CD2AP: variants seen among roughly 807,000 people sequenced by gnomAD.
CD2AP encodes the protein CD2-associated protein.
In CD2AP, 46 loss-of-function variants were observed where a neutral mutation model predicts 85.1. The ratio of observed to expected loss-of-function variants is 0.54; its 90% confidence interval spans 0.43 to 0.69. CD2AP has a LOEUF of 0.69. Among genes scored for constraint, CD2AP ranks in the 30% least tolerant of loss-of-function variants. CD2AP has a pLI of 0.00. For missense variants in CD2AP, 769 were observed against 729.5 expected (o/e 1.05, Z -0.62); for synonymous variants, 255 against 252.9 (o/e 1.01, Z -0.08).
At chr6:47,608,908 T>G (rs1413408700) in intron 15 of CD2AP, among the ~76,000 whole-genome samples, 1 of 152,198 alleles carries the variant, frequency 6.6e-6, no homozygotes. Flanking sequence ...CTTCTGTTAA[T>G]AAAATTGTCA....
intron 2 of CD2AP, among the ~76,000 whole-genome samples, chr6:47,515,010 C>A (rs1256979277): frequency 1.3e-5 from 2 of 151,546 alleles, no homozygotes; most frequent in Non-Finnish European, 1.5e-5. Flanking sequence ...CAAGATCACT[C>A]CACTGCACTC....
chr6:47,619,233 TTCAAC>T (rs1769680533), intron 17 of CD2AP, among the ~76,000 whole-genome samples: 2 of 152,332 alleles, frequency 1.3e-5, no homozygotes, highest in South Asian at 4.1e-4. Context: ...CTTCCCACTC[TTCAAC>T]TCAAGTCCCC....
chr6:47,613,472 G>T (rs1426109422), intron 17 of CD2AP, among the ~76,000 whole-genome samples: 2 of 151,980 alleles, frequency 1.3e-5, no homozygotes, highest in Non-Finnish European at 2.9e-5. Flanking sequence ...GTGACTAAGG[G>T]CATGGTCAGT....
In CD2AP at chr6:47,477,863, G is replaced by A; in HGVS notation, c.-382G>A. 3.0e-6 allele frequency: 1 copy of A among 330,994 alleles called. No homozygotes were observed. Among genetic ancestry groups the A allele is most frequent in the Non-Finnish European group, 5.6e-6 (1 of 179,796 alleles). The allele number at this position is 330,994 out of a possible 1,614,324, so 20.5% of individuals were successfully genotyped here. On this transcript the variant is annotated 5_prime_UTR_variant, in exon 1 of 18. Transcript: ENST00000359314. ...GAGTGCTAAGGAAGAGGCGAGGGGC[G>A]GGCTCCGAGGCTAGGCGGGCGCTCG...
chr6:47,532,652 T>C (rs1051800533), intron 2 of CD2AP, among the ~76,000 whole-genome samples: 2 of 152,152 alleles, frequency 1.3e-5, no homozygotes, highest in African/African-American at 4.8e-5. Context: ...TCTAATTCTA[T>C]CGTTATAGTT....
intron 12 of CD2AP, among the ~76,000 whole-genome samples, chr6:47,598,933 T>C (rs985406148): frequency 6.7e-6 from 1 of 150,300 alleles, no homozygotes; most frequent in Non-Finnish European, 1.5e-5. Context: ...ATAAAAAAAA[T>C]TTAAAAAAAA....
At chr6:47,488,085 A>C (rs967717203) in intron 1 of CD2AP, among the ~76,000 whole-genome samples, 1 of 148,906 alleles carries the variant, frequency 6.7e-6, no homozygotes, top group African/African-American at 2.5e-5. Flanking sequence ...GGTTCATTGA[A>C]GCTCTTAAGT....
chr6:47,535,730 G>A, intron 3 of CD2AP, among the ~76,000 whole-genome samples: 1 of 152,120 alleles, frequency 6.6e-6, no homozygotes, highest in East Asian at 1.9e-4. Flanking sequence ...GAGACTGGGG[G>A]ACAAATAACA....
At chr6:47,535,557 T>G (rs1767016297) in intron 3 of CD2AP, among the ~76,000 whole-genome samples, 1 of 152,240 alleles carries the variant, frequency 6.6e-6, no homozygotes, top group Non-Finnish European at 1.5e-5. Flanking sequence ...AAACAGATTT[T>G]ATGACACTTG....
chr6:47,599,245 TA>T (rs1582609059), intron 12 of CD2AP, 55 bp from the exon 13 acceptor site: 30 of 1,448,670 alleles, frequency 2.1e-5, no homozygotes, highest in Non-Finnish European at 2.5e-5. Flanking sequence ...AATCACAATT[TA>T]AAAAAAAGTC....
At chr6:47,608,172 T>G in intron 15 of CD2AP, 144 bp downstream of exon 15, 4 of 663,096 alleles carry the variant, frequency 6.0e-6, no homozygotes, top group Non-Finnish European at 8.1e-6. Flanking sequence ...TTGAGTTGTT[T>G]AGCTTCATCA....
At chr6:47,523,727 AAAT>A (rs1184099915) in intron 2 of CD2AP, among the ~76,000 whole-genome samples, 1 of 152,182 alleles carries the variant, frequency 6.6e-6, no homozygotes, top group East Asian at 1.9e-4. Flanking sequence ...TAATACTAGA[AAAT>A]ATATATAAGG....
intron 8 of CD2AP, among the ~76,000 whole-genome samples, chr6:47,578,160 GGTATTTAGAAGAAACT>G: frequency 6.6e-6 from 1 of 151,786 alleles, no homozygotes; most frequent in East Asian, 1.9e-4. Flanking sequence ...AAGGGTGGTG[GGTATTTAGAAGAAACT>G]TAGAAGGTCT....
At chr6:47,586,991 A>C (rs866028901) in intron 11 of CD2AP, among the ~76,000 whole-genome samples, 4 of 152,216 alleles carry the variant, frequency 2.6e-5, no homozygotes, top group African/African-American at 9.6e-5. Context: ...TAGATCAGGT[A>C]CCATGAATAA....
At chr6:47,561,706 A>C (rs752486441) in intron 5 of CD2AP, among the ~76,000 whole-genome samples, 2 of 152,168 alleles carry the variant, frequency 1.3e-5, no homozygotes, top group Non-Finnish European at 2.9e-5. Flanking sequence ...TTTCATCTCT[A>C]ATGATTTTAT....
intron 2 of CD2AP, among the ~76,000 whole-genome samples, chr6:47,509,921 A>G (rs9357543): frequency 0.95 from 144,895 of 152,210 alleles, 69,354 homozygotes; most frequent in East Asian, 1. Flanking sequence ...TAAATACAAA[A>G]CATTTATATA....
rs893954510 is a variant in CD2AP, at chr6:47,563,012, C to G, written c.541+8246C>G. Reference sequence around the variant, plus strand: ...ATGTCATCGAAGAGTCCTTCAAATGCAAGAAATGAACAAATAAAACTTTGT... The same window carrying G: ...ATGTCATCGAAGAGTCCTTCAAATGGAAGAAATGAACAAATAAAACTTTGT... On this transcript the variant is annotated intron_variant, in intron 5 of 17. Coordinates refer to ENST00000359314, the MANE Select transcript of CD2AP (RefSeq NM_012120.3). 18 of 373,748 alleles carry G rather than the reference C, an allele frequency of 4.8e-5. 1 individual carries two copies. Among genetic ancestry groups the G allele is most frequent in the Middle Eastern group, 7.3e-4 (1 of 1,362 alleles). The allele number at this position is 373,748 out of a possible 1,614,324, so 23.2% of individuals were successfully genotyped here. A position where few individuals can be genotyped will look rare whatever the true frequency, so the allele number is the denominator to read the frequency against.
intron 1 of CD2AP, among the ~76,000 whole-genome samples, chr6:47,497,306 TTTTCCTTTCC>T (rs760711476): frequency 3.6e-4 from 37 of 102,782 alleles, no homozygotes; most frequent in East Asian, 1.6e-3. Context: ...CCCGTTCCCT[TTTTCCTTTCC>T]TTTCCTTTCC....
chr6:47,517,457 T>C (rs1380277112), intron 2 of CD2AP, among the ~76,000 whole-genome samples: 1 of 151,886 alleles, frequency 6.6e-6, no homozygotes, highest in Non-Finnish European at 1.5e-5. Context: ...CTGGCTAATG[T>C]TTTTTCTATT....
Sources: allele counts gnomAD v4.1 joint callset (sites outside exome capture counted in the v4.1 genomes callset), GRCh38; gene constraint gnomAD v4.1.1; transcripts MANE v1.5; gene names NCBI Gene and HGNC (gene_info 2026-07-23, HGNC 2026-07-21).